Variants in OXR1 observed in about 807,000 individuals in gnomAD.
OXR1 encodes the protein oxidation resistance protein 1.
In OXR1, 41 loss-of-function variants were observed where a neutral mutation model predicts 104.6. The ratio of observed to expected loss-of-function variants is 0.39; its 90% CI spans 0.31 to 0.51. The LOEUF (loss-of-function observed/expected upper bound fraction) is 0.51. Among genes scored for constraint, OXR1 ranks in the 20% least tolerant of loss-of-function variants. The probability of loss-of-function intolerance (pLI) is 0.77; values close to 1 mark genes in which losing one functional copy is unlikely to be tolerated. For missense variants in OXR1, 955 were observed against 1,031.9 expected, an observed-to-expected ratio of 0.93 and a Z score of 1.02; for synonymous variants, 348 against 348.4, an observed-to-expected ratio of 1.00 and a Z score of 0.01.
intron 3 of OXR1, among the ~76,000 whole-genome samples, chr8:106,524,802 C>A (rs1813532481): frequency 6.6e-6 from 1 of 152,090 alleles, no homozygotes; most frequent in Non-Finnish European, 1.5e-5. Flanking sequence ...AGGGAGGGGG[C>A]AGCAGGAGCC....
intron 2 of OXR1, among the ~76,000 whole-genome samples, chr8:106,432,558 G>GT (rs769312644): frequency 2.6e-4 from 39 of 151,992 alleles, no homozygotes; most frequent in East Asian, 1.9e-4. Context: ...ACCTGCATTT[G>GT]TTTTTTGTTC....
intron 2 of OXR1, among the ~76,000 whole-genome samples, chr8:106,430,668 G>A (rs1819326661): frequency 6.6e-6 from 1 of 152,164 alleles, no homozygotes; most frequent in Non-Finnish European, 1.5e-5. Flanking sequence ...CCAGTTGCTG[G>A]AGAAAATAAT....
chr8:106,653,678 T>C lies in OXR1; in HGVS notation c.221-25532T>C, dbSNP rs143348423. Among the ~76,000 whole-genome samples, 117 of 152,066 alleles carry C rather than the reference T, an allele frequency of 7.7e-4. 1 individual carries two copies. The Middle Eastern group carries it at 0.01, about 13-fold the overall frequency. On this transcript the variant is annotated intron_variant, in intron 3 of 16. Coordinates refer to ENST00000517566, the MANE Select transcript of OXR1 (RefSeq NM_001198533.2). ...AAAGACTCAATGCATTTTCTCCAAATTCAGGAATAAAACGATATCTGCTCT... is the reference window on the plus strand; with the variant it reads ...AAAGACTCAATGCATTTTCTCCAAACTCAGGAATAAAACGATATCTGCTCT...
chr8:106,599,160 C>A (rs1260160198), intron 3 of OXR1, among the ~76,000 whole-genome samples: 4 of 152,152 alleles, frequency 2.6e-5, no homozygotes, highest in Admixed American at 1.3e-4. Context: ...TTCTCATGCA[C>A]AATGAGTAGT....
At chr8:106,544,206 TC>T (rs1028419424) in intron 3 of OXR1, among the ~76,000 whole-genome samples, 3 of 149,412 alleles carry the variant, frequency 2.0e-5, no homozygotes, top group African/African-American at 7.5e-5. Context: ...TTTTTCTTTT[TC>T]TTTTTTTTTT....
At chr8:106,524,094 C>T (rs1813470267) in intron 3 of OXR1, among the ~76,000 whole-genome samples, 1 of 152,054 alleles carries the variant, frequency 6.6e-6, no homozygotes, top group Non-Finnish European at 1.5e-5. Flanking sequence ...AATTTTTTAC[C>T]ACTCCAATTA....
At chr8:106,344,434 T>A (rs1356065070) in intron 1 of OXR1, among the ~76,000 whole-genome samples, 4 of 152,174 alleles carry the variant, frequency 2.6e-5, no homozygotes, top group Non-Finnish European at 4.4e-5. Context: ...GCCTCCCATG[T>A]TCAAGCGATT....
intron 15 of OXR1, among the ~76,000 whole-genome samples, chr8:106,745,501 T>G (rs188895447): frequency 6.6e-6 from 1 of 152,198 alleles, no homozygotes; most frequent in Non-Finnish European, 1.5e-5. Flanking sequence ...CTATTAACCG[T>G]CCAACTCTTG....
chr8:106,726,117 C>T, intron 11 of OXR1: 1 of 1,392,454 alleles, frequency 7.2e-7, no homozygotes, highest in Non-Finnish European at 9.3e-7. Context: ...AAATCTTTGT[C>T]TCTAGCAAAC....
intron 1 of OXR1, among the ~76,000 whole-genome samples, chr8:106,351,004 G>A (rs974773779): frequency 1.3e-5 from 2 of 152,090 alleles, no homozygotes; most frequent in African/African-American, 4.8e-5. Flanking sequence ...TAATATTCAA[G>A]TTTCAAGAAA....
intron 2 of OXR1, among the ~76,000 whole-genome samples, chr8:106,485,570 C>G (rs1810594676): frequency 6.6e-6 from 1 of 152,034 alleles, no homozygotes; most frequent in Non-Finnish European, 1.5e-5. Context: ...TTGTTTTATA[C>G]ATTTCAAAGA....
chr8:106,427,847 A>G (rs542494011), intron 2 of OXR1, among the ~76,000 whole-genome samples: 41 of 152,254 alleles, frequency 2.7e-4, no homozygotes, highest in African/African-American at 9.9e-4. Context: ...TGGGGGACAG[A>G]GGCTGACATG....
At chr8:106,555,928 G>GTGTATATATATATATATATA (rs1554593236) in intron 3 of OXR1, among the ~76,000 whole-genome samples, 2 of 142,538 alleles carry the variant, frequency 1.4e-5, no homozygotes, top group African/African-American at 5.1e-5. Context: ...GTATATATAT[G>GTGTATATATATATATATATA]TACATATATA....
intron 3 of OXR1, among the ~76,000 whole-genome samples, chr8:106,567,733 TAAAG>T (rs1817184979): frequency 6.6e-6 from 1 of 152,220 alleles, no homozygotes; most frequent in East Asian, 1.9e-4. Context: ...GCAAACCAAA[TAAAG>T]GTAATGAAAA....
intron 2 of OXR1, among the ~76,000 whole-genome samples, chr8:106,454,335 C>T (rs1387606038): frequency 6.6e-6 from 1 of 151,796 alleles, no homozygotes; most frequent in Non-Finnish European, 1.5e-5. Flanking sequence ...GTGACATGCA[C>T]CTGTAGTCCC....
intron 12 of OXR1, among the ~76,000 whole-genome samples, chr8:106,738,169 CAAG>C (rs1307436680): frequency 6.6e-6 from 1 of 151,650 alleles, no homozygotes; most frequent in Admixed American, 6.6e-5. Flanking sequence ...TTTTTAGAAA[CAAG>C]AAAGCAATGT....
Position 106,692,866 on chromosome 8 carries a change from AC to A in OXR1, c.666del (p.Ser223ValfsTer11). 6.3e-7 allele frequency: 1 copy of A among 1,599,536 alleles called. No individual in the cohort carries two copies. Among genetic ancestry groups the A allele is most frequent in the Non-Finnish European group, 8.5e-7 (1 of 1,170,906 alleles). On this transcript the variant is annotated frameshift_variant, in exon 7 of 17. Coordinates refer to ENST00000517566, the MANE Select transcript of OXR1 (RefSeq NM_001198533.2). LOFTEE classifies it high-confidence loss of function. ...TCTTAAAATTAATTGCAAATATATT[AC>A]CAGTGGCAAGGTAAAGAATGACACT... Reference protein sequence around the residue: ...KFLKINCKYITSGKGTVSGVL... With the variant: ...KFLKINCKYIXSGKGTVSGVL...
At chr8:106,536,025 C>T (rs1284744018) in intron 3 of OXR1, among the ~76,000 whole-genome samples, 1 of 152,044 alleles carries the variant, frequency 6.6e-6, no homozygotes, top group Non-Finnish European at 1.5e-5. Context: ...TCGAGACCAT[C>T]CTGGCTAACA....
chr8:106,312,944 G>A (rs1813770368), intron 1 of OXR1, among the ~76,000 whole-genome samples: 1 of 152,022 alleles, frequency 6.6e-6, no homozygotes, highest in Admixed American at 6.6e-5. Flanking sequence ...TGTTTGGAAG[G>A]GCTAATGTTT....
Sources: gnomAD v4.1 joint callset for allele counts (sites outside exome capture counted in the v4.1 genomes callset) on GRCh38, gnomAD v4.1.1 for gene constraint, MANE v1.5 for transcripts, NCBI Gene and HGNC (gene_info 2026-07-23, HGNC 2026-07-21) for gene names.